Variants in NMNAT3 observed in about 807,000 individuals in gnomAD.
NMNAT3 encodes the protein nicotinamide nucleotide adenylyltransferase 3, also known as nicotinamide/nicotinic acid mononucleotide adenylyltransferase 3.
In NMNAT3, 21 loss-of-function variants were observed where a neutral mutation model predicts 24.8. That is an observed-to-expected ratio of 0.85 (90% CI 0.60 to 1.22). NMNAT3 has a LOEUF of 1.22. Among genes scored for constraint, NMNAT3 ranks in the 50% most tolerant of loss-of-function variants. The pLI is 0.00. For missense variants in NMNAT3, 387 were observed against 436.6 expected, an observed-to-expected ratio of 0.89 and a Z score of 1.01; for synonymous variants, 136 against 155.2, an observed-to-expected ratio of 0.88 and a Z score of 0.92.
At chr3:139,608,725 A>G (rs946723287) in intron 3 of NMNAT3, among the ~76,000 whole-genome samples, 3 of 152,144 alleles carry the variant, frequency 2.0e-5, no homozygotes, top group African/African-American at 7.2e-5. Flanking sequence ...CTTACTCAAA[A>G]TTCACTCATT....
At chr3:139,568,829 G>A (rs1360084762) in intron 6 of NMNAT3, 3 of 152,234 alleles carry the variant, frequency 2.0e-5, no homozygotes, top group Non-Finnish European at 2.9e-5. Context: ...TTGATTTCAG[G>A]TGGAGAGTTC....
intron 6 of NMNAT3, among the ~76,000 whole-genome samples, chr3:139,571,679 G>C (rs1478101479): frequency 6.6e-6 from 1 of 152,158 alleles, no homozygotes; most frequent in Non-Finnish European, 1.5e-5. Context: ...GGCAGAGGGA[G>C]AGAGTTCATA....
rs58495559 is a variant in NMNAT3, at chr3:139,582,639, C to CAAAAAAA, written c.391+281_391+287dup. On this transcript the variant is annotated intron_variant, in intron 4 of 6. Coordinates refer to ENST00000643695, the MANE Select transcript of NMNAT3 (RefSeq NM_001320510.2). ...CCTGGGCAACAGAGTGGGACTGTCT[C>CAAAAAAA]AAAAAAAAAAAAAAAAAAAAAAAAA... Among the ~76,000 whole-genome samples, 65 of 57,434 alleles carry CAAAAAAA rather than the reference C, an allele frequency of 1.1e-3. 1 individual carries two copies. Among genetic ancestry groups the CAAAAAAA allele is most frequent in the African/African-American group, 3.1e-3 (38 of 12,374 alleles). The allele number at this position is 57,434 out of a possible 152,430, so 37.7% of individuals were successfully genotyped here.
At chr3:139,652,268 G>A (rs531156912) in intron 1 of NMNAT3, among the ~76,000 whole-genome samples, 2 of 152,348 alleles carry the variant, frequency 1.3e-5, no homozygotes, top group East Asian at 1.9e-4. Context: ...ATCACTGTGT[G>A]TAAGGGGACT....
intron 1 of NMNAT3, among the ~76,000 whole-genome samples, chr3:139,641,454 TC>T (rs1264031713): frequency 6.6e-6 from 1 of 152,152 alleles, no homozygotes; most frequent in Non-Finnish European, 1.5e-5. Flanking sequence ...AGAGAGGCTG[TC>T]CAGAGGATAG....
chr3:139,606,470 A>G (rs190571278), intron 3 of NMNAT3, among the ~76,000 whole-genome samples: 39 of 152,182 alleles, frequency 2.6e-4, no homozygotes, highest in Non-Finnish European at 4.7e-4. Flanking sequence ...ATTAACTTTG[A>G]TACTTGGTTG....
At chr3:139,591,826 C>T (rs576884452) in intron 3 of NMNAT3, among the ~76,000 whole-genome samples, 3 of 152,154 alleles carry the variant, frequency 2.0e-5, no homozygotes, top group Non-Finnish European at 4.4e-5. Flanking sequence ...TGTACTTCAC[C>T]ATCATCAAAG....
rs995474019 is a variant in NMNAT3, at chr3:139,664,532, C to T, written c.-141+13173G>A. The stretch of plus-strand genomic sequence containing the variant: ...CTCCATGTAAGCCTGGAACTCCTAT[C>T]TTCCCTACCTTAAAGAATGAAGCCA... On this transcript the variant is annotated intron_variant, in intron 1 of 6. Transcript: ENST00000643695. Among the ~76,000 whole-genome samples, 3 of 152,204 alleles carry T rather than the reference C, an allele frequency of 2.0e-5. No homozygotes were observed. In the South Asian group the frequency reaches 6.2e-4, roughly 32 times the overall value.
At chr3:139,615,658 A>G (rs1309299651) in intron 3 of NMNAT3, among the ~76,000 whole-genome samples, 1 of 152,190 alleles carries the variant, frequency 6.6e-6, no homozygotes, top group East Asian at 1.9e-4. Flanking sequence ...CGTGACTTCC[A>G]TTATCTATAA....
At chr3:139,631,436 C>G (rs1033603478) in intron 2 of NMNAT3, among the ~76,000 whole-genome samples, 1 of 152,126 alleles carries the variant, frequency 6.6e-6, no homozygotes, top group Non-Finnish European at 1.5e-5. Flanking sequence ...GTCCCATCTG[C>G]CCTTATCATC....
At chr3:139,654,912 G>A (rs956047058) in intron 1 of NMNAT3, among the ~76,000 whole-genome samples, 9 of 152,192 alleles carry the variant, frequency 5.9e-5, no homozygotes, top group South Asian at 2.1e-4. Flanking sequence ...GCCTGTGCTG[G>A]TGGGAGGTAG....
At chr3:139,600,456 C>T (rs1576618028) in intron 3 of NMNAT3, among the ~76,000 whole-genome samples, 2 of 152,052 alleles carry the variant, frequency 1.3e-5, no homozygotes, top group Non-Finnish European at 2.9e-5. Flanking sequence ...CAGGCACCCA[C>T]CACCACGCTG....
At chr3:139,651,369 T>C (rs2057050508) in intron 1 of NMNAT3, among the ~76,000 whole-genome samples, 1 of 152,194 alleles carries the variant, frequency 6.6e-6, no homozygotes, top group Non-Finnish European at 1.5e-5. Context: ...GGTACATTTC[T>C]AACTAATCTG....
intron 1 of NMNAT3, among the ~76,000 whole-genome samples, chr3:139,664,061 A>G (rs2057502231): frequency 6.6e-6 from 1 of 152,244 alleles, no homozygotes; most frequent in African/African-American, 2.4e-5. Flanking sequence ...ATCAGACAGT[A>G]AACATATAGA....
chr3:139,661,866 C>T (rs535109187), intron 1 of NMNAT3, among the ~76,000 whole-genome samples: 209 of 152,128 alleles, frequency 1.4e-3, no homozygotes, highest in Non-Finnish European at 2.1e-3. Context: ...ATAAGGACAC[C>T]GTCTTACTTT....
intron 1 of NMNAT3, among the ~76,000 whole-genome samples, chr3:139,673,970 G>C (rs759615214): frequency 3.3e-5 from 5 of 152,104 alleles, no homozygotes; most frequent in Non-Finnish European, 5.9e-5. Flanking sequence ...ATTCAGGAAG[G>C]CTTCCCTGCA....
At chr3:139,666,118 T>A (rs1171109111) in intron 1 of NMNAT3, among the ~76,000 whole-genome samples, 1 of 152,238 alleles carries the variant, frequency 6.6e-6, no homozygotes, top group African/African-American at 2.4e-5. Context: ...TGGCAGGATG[T>A]ATTTTCCAAC....
At chr3:139,610,855 C>T (rs2055178754) in intron 3 of NMNAT3, among the ~76,000 whole-genome samples, 2 of 152,160 alleles carry the variant, frequency 1.3e-5, no homozygotes, top group Non-Finnish European at 2.9e-5. Flanking sequence ...ACCAAGGTAG[C>T]AAAAGTGATA....
At chr3:139,646,689 A>G (rs1025298381) in intron 1 of NMNAT3, among the ~76,000 whole-genome samples, 1 of 152,266 alleles carries the variant, frequency 6.6e-6, no homozygotes, top group African/African-American at 2.4e-5. Context: ...CCTAGAATGC[A>G]CATGATAATG....
Sources: gnomAD v4.1 joint callset for allele counts (sites outside exome capture counted in the v4.1 genomes callset) on GRCh38, gnomAD v4.1.1 for gene constraint, MANE v1.5 for transcripts, NCBI Gene and HGNC (gene_info 2026-07-23, HGNC 2026-07-21) for gene names.